The following GRIP1 variants were observed in gnomAD, a reference collection of about 807,000 sequenced individuals.
GRIP1 encodes the protein glutamate receptor-interacting protein 1.
Under a neutral mutation model 129.9 loss-of-function variants are expected in GRIP1, and 45 were observed. The ratio of observed to expected loss-of-function variants is 0.35; its 90% CI spans 0.27 to 0.44. GRIP1 has a LOEUF of 0.44. GRIP1 is among the 20% of genes least tolerant of loss of function. The pLI, the probability that GRIP1 is intolerant of heterozygous loss-of-function variation, is 1.00. For synonymous variants in GRIP1, 530 were observed against 520.8 expected (o/e 1.02, Z -0.24); for missense variants, 1,196 against 1,396.8 (o/e 0.86, Z 2.29).
At chr12:66,947,582 C>T (rs570792076) in intron 1 of GRIP1, among the ~76,000 whole-genome samples, 2 of 152,258 alleles carry the variant, frequency 1.3e-5, no homozygotes, top group East Asian at 3.9e-4. Context: ...GTGGATGTGA[C>T]AATAATTTTT....
intron 11 of GRIP1, among the ~76,000 whole-genome samples, chr12:66,452,414 C>A (rs1417232014): frequency 1.3e-5 from 2 of 152,196 alleles, no homozygotes; most frequent in East Asian, 1.9e-4. Context: ...AAACATGACA[C>A]CTTCCTGTTT....
rs2058571961 is a variant in GRIP1, at chr12:66,444,683, T to C, written c.1588A>G (p.Ile530Val). 1 of 1,613,884 alleles carries C rather than the reference T, an allele frequency of 6.2e-7. No homozygotes were observed. Among genetic ancestry groups the C allele is most frequent in the Non-Finnish European group, 8.5e-7 (1 of 1,179,938 alleles). The change falls in exon 13 of 25, where the codon ATT becomes GTT. Residue 530 changes from isoleucine to valine, a missense_variant. By Grantham distance (29) the Ile-to-Val change is conservative. Coordinates refer to ENST00000359742, the MANE Select transcript of GRIP1 (RefSeq NM_001366722.1). ...TCGAAGGTGCTGTCTTCTGTTGGAA[T>C]TCCATTGATGGCCATCACTCTGTCT... ...IGDRVMAINGIPTEDSTFEEA... is the reference protein window; with the variant it reads ...IGDRVMAINGVPTEDSTFEEA...
chr12:66,515,823 A>G, intron 6 of GRIP1, 59 bp from the exon 7 acceptor site: 1 of 1,457,616 alleles, frequency 6.9e-7, no homozygotes, highest in South Asian at 1.1e-5. Context: ...CTTAGTATTA[A>G]TAGTCACTTT....
At chr12:66,719,481 T>C (rs757131505) in intron 1 of GRIP1, among the ~76,000 whole-genome samples, 26 of 152,300 alleles carry the variant, frequency 1.7e-4, no homozygotes, top group Non-Finnish European at 3.5e-4. Flanking sequence ...ACTTGACTAA[T>C]AGGAACTTAT....
At chr12:66,483,223 G>T (rs2059855895) in intron 7 of GRIP1, among the ~76,000 whole-genome samples, 1 of 152,102 alleles carries the variant, frequency 6.6e-6, no homozygotes, top group Non-Finnish European at 1.5e-5. Context: ...TTAGTTAACA[G>T]TATTTTTATT....
chr12:67,025,114 A>G (rs1105246), intron 1 of GRIP1, among the ~76,000 whole-genome samples: 139,322 of 152,094 alleles, frequency 0.92, 64,520 homozygotes, highest in Non-Finnish European at 0.98. Flanking sequence ...CAAGGCAGGC[A>G]GATAACTTGA....
intron 15 of GRIP1, among the ~76,000 whole-genome samples, chr12:66,418,246 A>G (rs1379725749): frequency 6.6e-6 from 1 of 152,200 alleles, no homozygotes; most frequent in Non-Finnish European, 1.5e-5. Context: ...ATGCAGAAGA[A>G]AAAAACTAGA....
intron 1 of GRIP1, among the ~76,000 whole-genome samples, chr12:66,829,136 T>G (rs1736298570): frequency 6.6e-6 from 1 of 152,154 alleles, no homozygotes. Flanking sequence ...TACATGATCT[T>G]GAGAAAAGGA....
chr12:67,006,434 G>A (rs2042627499), intron 1 of GRIP1, among the ~76,000 whole-genome samples: 1 of 152,022 alleles, frequency 6.6e-6, no homozygotes, highest in South Asian at 2.1e-4. Context: ...GTGTGGTGGT[G>A]CACATCTATA....
At chr12:66,529,368 G>A in intron 5 of GRIP1, among the ~76,000 whole-genome samples, 1 of 152,162 alleles carries the variant, frequency 6.6e-6, no homozygotes, top group Non-Finnish European at 1.5e-5. Flanking sequence ...ATTTGCAATT[G>A]CAAAAATATG....
At chr12:66,885,471 G>T (rs1036218887) in intron 1 of GRIP1, among the ~76,000 whole-genome samples, 1 of 152,222 alleles carries the variant, frequency 6.6e-6, no homozygotes, top group East Asian at 1.9e-4. Context: ...ACAAAGCCAG[G>T]AGTAGATGGA....
rs893509510 is a variant in GRIP1 at position 66,566,701 on chromosome 12, C to G, written c.137-24751G>C. On this transcript the variant is annotated intron_variant, in intron 2 of 24. Transcript: ENST00000359742. ...TGAAATAGTTTCAGAAGGAATGGTA[C>G]CAGCTGTTGTTTGTATCCCTGGTAA... Among the ~76,000 whole-genome samples the G allele has an allele frequency of 3.2e-4, 49 of 152,216 alleles. 1 individual carries two copies. Among genetic ancestry groups the G allele is most frequent in the African/African-American group, 1.2e-3 (49 of 41,534 alleles).
chr12:67,064,658 C>A (rs1273645177), intron 1 of GRIP1, among the ~76,000 whole-genome samples: 1 of 152,178 alleles, frequency 6.6e-6, no homozygotes, highest in Non-Finnish European at 1.5e-5. Context: ...GTGGGGTCAC[C>A]AGATCTCCTC....
intron 1 of GRIP1, among the ~76,000 whole-genome samples, chr12:66,872,984 C>T (rs1347354096): frequency 6.6e-6 from 1 of 152,036 alleles, no homozygotes; most frequent in Admixed American, 6.6e-5. Flanking sequence ...AATTATCTGG[C>T]AATGCTTCTC....
intron 15 of GRIP1, among the ~76,000 whole-genome samples, chr12:66,420,236 A>G (rs912876198): frequency 6.6e-6 from 1 of 152,140 alleles, no homozygotes; most frequent in African/African-American, 2.4e-5. Flanking sequence ...ATTTTTATTT[A>G]TGAAATGAAA....
Position 66,392,386 on chromosome 12 carries a change from G to T in GRIP1, c.2386C>A (p.Pro796Thr). 6.2e-7 allele frequency: 1 copy of T among 1,613,790 alleles called. No individual in the cohort carries two copies. Among genetic ancestry groups the T allele is most frequent in the South Asian group, 1.1e-5 (1 of 91,066 alleles). The change falls in exon 19 of 25, where the codon CCC becomes ACC. Residue 796 changes from proline (P) to threonine (T), a missense_variant. By Grantham distance (38) the Pro-to-Thr change is conservative (BLOSUM62 -1). Transcript: ENST00000359742. ...CTGTCCACACTGGGCACCGTGGAGG[G>T]GTACATGTCGGAGAGCTTGCCTGGC... ...QKPGKLSDMY[P>T]STVPSVDSAV... is the part of the protein sequence containing the mutation.
intron 5 of GRIP1, among the ~76,000 whole-genome samples, chr12:66,523,159 G>T (rs568080042): frequency 7.7e-4 from 114 of 147,774 alleles, no homozygotes; most frequent in African/African-American, 1.8e-3. Context: ...CCAACATTCA[G>T]ATTCAGGAAA....
At chr12:66,692,950 T>C (rs1333121141) in intron 1 of GRIP1, among the ~76,000 whole-genome samples, 2 of 152,158 alleles carry the variant, frequency 1.3e-5, no homozygotes, top group Non-Finnish European at 2.9e-5. Flanking sequence ...ACCTAACATA[T>C]AACAAATGCT....
At chr12:66,590,017 G>A (rs184951518) in intron 2 of GRIP1, among the ~76,000 whole-genome samples, 2 of 152,220 alleles carry the variant, frequency 1.3e-5, no homozygotes, top group East Asian at 1.9e-4. Flanking sequence ...CACTGCAAAA[G>A]TAATAGAGGG....
Sources: allele counts gnomAD v4.1 joint callset (sites outside exome capture counted in the v4.1 genomes callset), GRCh38; gene constraint gnomAD v4.1.1; transcripts MANE v1.5; gene names NCBI Gene and HGNC (gene_info 2026-07-23, HGNC 2026-07-21).